The following SYNCRIP variants were observed in gnomAD, a reference collection of about 807,000 sequenced individuals.
SYNCRIP encodes synaptotagmin binding cytoplasmic RNA interacting protein, also known as heterogeneous nuclear ribonucleoprotein Q.
SYNCRIP carries 9 observed loss-of-function variants against 68.9 expected under a neutral mutation model. The observed-to-expected ratio is 0.13, with a 90% CI of 0.08 to 0.23. The LOEUF is 0.23. SYNCRIP is among the 10% of genes least tolerant of loss of function. The pLI, the probability that SYNCRIP is intolerant of heterozygous loss-of-function variation, is 1.00. For missense variants in SYNCRIP, 414 were observed against 770.6 expected, an observed-to-expected ratio of 0.54 and a Z score of 5.48; for synonymous variants, 258 against 254.0, an observed-to-expected ratio of 1.02 and a Z score of -0.15.
intron 6 of SYNCRIP, among the ~76,000 whole-genome samples, chr6:85,632,495 G>C (rs955835828): frequency 1.3e-5 from 2 of 152,182 alleles, no homozygotes; most frequent in East Asian, 3.8e-4. Context: ...GTCCGCAAAT[G>C]AATACAAAGT....
intron 8 of SYNCRIP, among the ~76,000 whole-genome samples, chr6:85,621,631 A>C (rs71570768): frequency 6.6e-6 from 1 of 151,630 alleles, no homozygotes; most frequent in Non-Finnish European, 1.5e-5. Flanking sequence ...AAAAAAGAGA[A>C]CAAAGGATAG....
intron 6 of SYNCRIP, among the ~76,000 whole-genome samples, chr6:85,628,782 C>T (rs377700310): frequency 6.6e-6 from 1 of 152,206 alleles, no homozygotes; most frequent in African/African-American, 2.4e-5. Context: ...TAGATATAAA[C>T]TTTCTATCTC....
chr6:85,613,535 G>T (rs1047309705), downstream of SYNCRIP, among the ~76,000 whole-genome samples: 4 of 152,096 alleles, frequency 2.6e-5, no homozygotes, highest in Non-Finnish European at 4.4e-5. Flanking sequence ...ATTACTGTTA[G>T]AAGTATAGAC....
chr6:85,622,274 C>T (rs552806353), intron 8 of SYNCRIP, among the ~76,000 whole-genome samples: 1 of 152,206 alleles, frequency 6.6e-6, no homozygotes, highest in East Asian at 1.9e-4. Flanking sequence ...ACTTGGGAGG[C>T]AGGAGAATCA....
downstream of SYNCRIP, chr6:85,613,917 T>TC: frequency 1.0e-6 from 1 of 953,826 alleles, no homozygotes; most frequent in African/African-American, 1.8e-5. Context: ...CCTGAATTTG[T>TC]CCTTTTATAC....
chr6:85,612,369 C>T (rs1469413380), downstream of SYNCRIP: 1 of 152,110 alleles, frequency 6.6e-6, no homozygotes, highest in African/African-American at 2.4e-5. Flanking sequence ...CATATCTGAA[C>T]ACAATTCAAA....
intron 6 of SYNCRIP, among the ~76,000 whole-genome samples, chr6:85,626,443 G>A (rs1807038829): frequency 6.6e-6 from 1 of 151,938 alleles, no homozygotes; most frequent in Non-Finnish European, 1.5e-5. Flanking sequence ...GATTTTGGGG[G>A]TGACAGATTT....
chr6:85,614,989 C>A lies in SYNCRIP; in HGVS notation c.1639G>T (p.Gly547Cys). 1 of 1,613,640 alleles carries A rather than the reference C, an allele frequency of 6.2e-7. No homozygotes were observed. The highest frequency in any genetic ancestry group is 8.5e-7 in the Non-Finnish European group (1 of 1,179,688). ...CCCCTCGCACCACGTACCCCGCGGC[C>A]TCTTTGTTGTTGGGCACCTCCTCTC... ...GARGGAQQQRGRGVRGARGGR... is the reference protein window; with the variant it reads ...GARGGAQQQRCRGVRGARGGR... The change falls in exon 11 of 11, where the codon GGC (glycine) becomes TGC (cysteine). Residue 547 changes from glycine (G) to cysteine (C), a missense_variant. By Grantham distance (159) the Gly-to-Cys change is radical (BLOSUM62 -3). Transcript: ENST00000369622.
In SYNCRIP at chr6:85,628,057, C is replaced by T. The variant is rs760235791; in HGVS notation, c.667-3945G>A. On this transcript the variant is annotated intron_variant, in intron 6 of 10. Coordinates refer to ENST00000369622, the MANE Select transcript of SYNCRIP (RefSeq NM_006372.5). ...CCAAAGCCTTCCACATTGAAGATTT[C>T]TTTTTTTTTTCTTTTTGAGACCGAG... Among the ~76,000 whole-genome samples, 8 of 149,326 alleles carry T rather than the reference C, an allele frequency of 5.4e-5. No individual in the cohort carries two copies. In the East Asian group the frequency reaches 5.9e-4, roughly 11 times the overall value.
intron 6 of SYNCRIP, among the ~76,000 whole-genome samples, chr6:85,629,454 G>A (rs1215104979): frequency 2.2e-5 from 3 of 138,606 alleles, no homozygotes; most frequent in Admixed American, 1.7e-4. Context: ...TCATGAGGCC[G>A]AAGCAAATGG....
At chr6:85,613,043 G>A (rs1325955669), downstream of SYNCRIP, 1 of 1,203,158 alleles carries the variant, frequency 8.3e-7, no homozygotes, top group African/African-American at 1.6e-5. Flanking sequence ...ATACTGTCTA[G>A]CCAAAAAAGT....
At position 85,615,079 on chromosome 6, in the gene SYNCRIP, G is replaced by A. The variant is rs1410109023; in HGVS notation, c.1549C>T (p.Pro517Ser). 2.5e-6 allele frequency: 4 copies of A among 1,614,098 alleles called. No individual in the cohort carries two copies. Among genetic ancestry groups the A allele is most frequent in the Non-Finnish European group, 2.5e-6 (3 of 1,180,018 alleles). The change falls in exon 11 of 11, where the codon CCC becomes TCC. Residue 517 changes from proline to serine, a missense_variant. Coordinates refer to ENST00000369622, the MANE Select transcript of SYNCRIP (RefSeq NM_006372.5). ...APSRGRGAAP[P>S]RGRAGYSQRG... ...TGTGAATAACCGGCTCTACCGCGGG[G>A]AGGAGCAGCCCCACGACCTCTGGAT...
rs1243538920 is a variant in SYNCRIP at position 85,639,228 on chromosome 6, A to T, written c.375+993T>A. 2.0e-5 allele frequency among the ~76,000 whole-genome samples: 3 copies of T among 152,140 alleles called. No individual in the cohort carries two copies. In the East Asian group the frequency reaches 5.8e-4, roughly 29 times the overall value. ...GTCTCCCAAAAACAAACAAACAAAC[A>T]AACAAAAAATTAAGCCACCCCCTTG... is the stretch of plus-strand genomic sequence containing the variant. On this transcript the variant is annotated intron_variant, in intron 4 of 10. Transcript: ENST00000369622.
downstream of SYNCRIP, chr6:85,612,868 T>G (rs1203642665): frequency 6.4e-7 from 1 of 1,550,466 alleles, no homozygotes; most frequent in South Asian, 1.2e-5. Flanking sequence ...TAATCCCACA[T>G]AGCAAGTCAG....
At chr6:85,623,175 C>T (rs1806615475) in intron 7 of SYNCRIP, among the ~76,000 whole-genome samples, 1 of 152,134 alleles carries the variant, frequency 6.6e-6, no homozygotes, top group Non-Finnish European at 1.5e-5. Flanking sequence ...ATTTGTTAGA[C>T]ACTGTTGGCA....
intron 10 of SYNCRIP, among the ~76,000 whole-genome samples, chr6:85,616,138 T>TA (rs1805738683): frequency 6.6e-6 from 1 of 152,218 alleles, no homozygotes; most frequent in African/African-American, 2.4e-5. Context: ...AGCATATGCT[T>TA]ACATACTATG....
chr6:85,619,494 A>C, intron 8 of SYNCRIP, 77 bp from the exon 9 acceptor site: 1 of 1,339,730 alleles, frequency 7.5e-7, no homozygotes, highest in Non-Finnish European at 1.0e-6. Context: ...CACCCTACAA[A>C]GTTAACTCAA....
intron 2 of SYNCRIP, 51 bp downstream of exon 2, chr6:85,641,241 A>C: frequency 6.5e-7 from 1 of 1,530,660 alleles, no homozygotes; most frequent in Non-Finnish European, 8.9e-7. Context: ...TCAAAGCCAG[A>C]AATCCAATAG....
At chr6:85,637,175 A>T (rs1216166195) in intron 5 of SYNCRIP, 32 bp from the exon 6 acceptor site, 4 of 1,606,984 alleles carry the variant, frequency 2.5e-6, no homozygotes. Context: ...AAAACCATGG[A>T]GAATTGCTTT....
Sources: gnomAD v4.1 joint callset for allele counts (sites outside exome capture counted in the v4.1 genomes callset) on GRCh38, gnomAD v4.1.1 for gene constraint, MANE v1.5 for transcripts, NCBI Gene and HGNC (gene_info 2026-07-23, HGNC 2026-07-21) for gene names.